The following AKAP6 variants were observed in gnomAD, a reference collection of about 807,000 sequenced individuals.
AKAP6 encodes A-kinase anchor protein 6.
A neutral mutation model predicts 188.5 loss-of-function variants in AKAP6; 58 were observed. The observed-to-expected ratio is 0.31, with a 90% CI of 0.25 to 0.38. The LOEUF is 0.38. AKAP6 is among the 10% of genes least tolerant of loss of function. The pLI is 1.00. For missense variants in AKAP6, 2,710 were observed against 2,740.0 expected (o/e 0.99, Z 0.24); for synonymous variants, 989 against 998.6 (o/e 0.99, Z 0.18).
chr14:32,715,023 A>C (rs930857593), intron 9 of AKAP6, among the ~76,000 whole-genome samples: 5 of 151,940 alleles, frequency 3.3e-5, no homozygotes, highest in African/African-American at 1.2e-4. Context: ...CAAATTCCCT[A>C]CTGGGGAGGC....
chr14:32,404,691 G>GATAGATAGATAGATATATATAT, intron 1 of AKAP6, among the ~76,000 whole-genome samples: 1 of 44,438 alleles, frequency 2.3e-5, no homozygotes, highest in African/African-American at 7.2e-5. Context: ...GGAGTCAGGA[G>GATAGATAGATAGATATATATAT]ATATATATAT....
intron 4 of AKAP6, among the ~76,000 whole-genome samples, chr14:32,556,188 T>C (rs911283324): frequency 1.4e-4 from 21 of 152,304 alleles, no homozygotes; most frequent in Non-Finnish European, 2.9e-5. Context: ...GGTTTTGATT[T>C]CCACTTCTCT....
At chr14:32,406,062 A>G (rs949680386) in intron 1 of AKAP6, among the ~76,000 whole-genome samples, 5 of 152,328 alleles carry the variant, frequency 3.3e-5, no homozygotes, top group Admixed American at 1.3e-4. Context: ...AGAGGTAGGA[A>G]CTGCTCCTGC....
At position 32,769,290 on chromosome 14, in the gene AKAP6, C is replaced by T. The variant is rs972115210; in HGVS notation, c.3373-4388C>T. ...CTTGAACTCCTGACTTCAAGTGATC[C>T]GCCTGCCTCCTCCTCCCACAGTGCT... On this transcript the variant is annotated intron_variant, in intron 11 of 13. Transcript: ENST00000280979. 4.6e-5 allele frequency among the ~76,000 whole-genome samples: 7 copies of T among 151,752 alleles called. No individual in the cohort carries two copies. In the South Asian group the frequency reaches 6.2e-4, roughly 14 times the overall value.
intron 2 of AKAP6, among the ~76,000 whole-genome samples, chr14:32,492,373 G>T (rs1235695143): frequency 3.7e-5 from 5 of 134,698 alleles, no homozygotes; most frequent in African/African-American, 1.3e-4. Context: ...GAGAGAGAGA[G>T]AGAGAGAGAG....
intron 9 of AKAP6, among the ~76,000 whole-genome samples, chr14:32,719,289 G>A (rs1419129383): frequency 6.6e-6 from 1 of 152,164 alleles, no homozygotes; most frequent in Non-Finnish European, 1.5e-5. Flanking sequence ...GGTAAATTCT[G>A]GGTGCAGCCT....
chr14:32,454,050 CTT>C (rs1351900753), intron 2 of AKAP6, among the ~76,000 whole-genome samples: 1 of 152,114 alleles, frequency 6.6e-6, no homozygotes, highest in East Asian at 1.9e-4. Flanking sequence ...CATTTTATGA[CTT>C]TACATGAAGA....
intron 4 of AKAP6, among the ~76,000 whole-genome samples, chr14:32,562,052 T>C (rs1883981032): frequency 6.6e-6 from 1 of 152,180 alleles, no homozygotes; most frequent in Non-Finnish European, 1.5e-5. Flanking sequence ...TTAAGCAACT[T>C]TATCCAGGAA....
chr14:32,651,319 A>G (rs559825371), intron 7 of AKAP6, among the ~76,000 whole-genome samples: 1 of 152,274 alleles, frequency 6.6e-6, no homozygotes, highest in South Asian at 2.1e-4. Flanking sequence ...TAATAGGTTC[A>G]TCACTCTTCT....
intron 12 of AKAP6, among the ~76,000 whole-genome samples, chr14:32,787,457 C>T (rs771836780): frequency 7.2e-5 from 11 of 152,028 alleles, no homozygotes; most frequent in South Asian, 2.1e-4. Context: ...CACAGTGACA[C>T]GTTATTAAAT....
At chr14:32,816,319 A>C (rs2034376437) in intron 12 of AKAP6, among the ~76,000 whole-genome samples, 1 of 152,068 alleles carries the variant, frequency 6.6e-6, no homozygotes, top group African/African-American at 2.4e-5. Context: ...CAGCCTCCAG[A>C]GTAGCTAGGA....
intron 7 of AKAP6, among the ~76,000 whole-genome samples, chr14:32,676,879 G>A (rs913977264): frequency 3.3e-5 from 5 of 152,044 alleles, no homozygotes; most frequent in African/African-American, 1.2e-4. Flanking sequence ...TGTTGCCCAG[G>A]CTGAAGTGCA....
chr14:32,587,299 T>C (rs997666363), intron 5 of AKAP6, among the ~76,000 whole-genome samples: 4 of 152,190 alleles, frequency 2.6e-5, no homozygotes, highest in African/African-American at 9.7e-5. Context: ...AATAGGAAAT[T>C]TTTAAAAAGT....
chr14:32,629,943 C>T (rs1221992070), intron 7 of AKAP6, among the ~76,000 whole-genome samples: 1 of 151,972 alleles, frequency 6.6e-6, no homozygotes, highest in Non-Finnish European at 1.5e-5. Context: ...TAATACTCTG[C>T]CATAATTCAT....
chr14:32,763,641 G>A (rs2032611151), intron 11 of AKAP6, among the ~76,000 whole-genome samples: 1 of 152,132 alleles, frequency 6.6e-6, no homozygotes, highest in African/African-American at 2.4e-5. Flanking sequence ...AAATGAAGAA[G>A]ATACATTGAT....
At chr14:32,371,292 G>A (rs1248553211) in intron 1 of AKAP6, among the ~76,000 whole-genome samples, 1 of 152,104 alleles carries the variant, frequency 6.6e-6, no homozygotes, top group Non-Finnish European at 1.5e-5. Context: ...TACACATGAA[G>A]ACTACTATTT....
chr14:32,338,650 A>G (rs1886793916), intron 1 of AKAP6, among the ~76,000 whole-genome samples: 1 of 152,140 alleles, frequency 6.6e-6, no homozygotes, highest in South Asian at 2.1e-4. Context: ...AGAGCCTGGC[A>G]GGGTGGATTT....
chr14:32,622,232 A>G (rs756141314), intron 7 of AKAP6, among the ~76,000 whole-genome samples: 2 of 152,180 alleles, frequency 1.3e-5, no homozygotes, highest in Admixed American at 6.5e-5. Flanking sequence ...TCTGATGACA[A>G]GGAAAGGGAA....
chr14:32,497,200 T>C (rs1214530095), intron 2 of AKAP6, among the ~76,000 whole-genome samples: 2 of 152,154 alleles, frequency 1.3e-5, no homozygotes, highest in Non-Finnish European at 2.9e-5. Flanking sequence ...TTCTTTTTCC[T>C]TTTCTAGAGT....
Sources: gnomAD v4.1 joint callset for allele counts (sites outside exome capture counted in the v4.1 genomes callset) on GRCh38, gnomAD v4.1.1 for gene constraint, MANE v1.5 for transcripts, NCBI Gene and HGNC (gene_info 2026-07-23, HGNC 2026-07-21) for gene names.